COL25A1: variants seen among roughly 807,000 people sequenced by gnomAD.
COL25A1 encodes the protein collagen alpha-1(XXV) chain.
Under a neutral mutation model 128.4 loss-of-function variants are expected in COL25A1, and 103 were observed. That is an observed-to-expected ratio of 0.80 (90% CI 0.68 to 0.94). The LOEUF is 0.94. Among genes scored for constraint, COL25A1 ranks in the 40% least tolerant of loss-of-function variants. The pLI is 0.00. For missense variants in COL25A1, 745 were observed against 840.0 expected (o/e 0.89, Z 1.40); for synonymous variants, 279 against 277.2 (o/e 1.01, Z -0.06).
chr4:109,012,794 C>T (rs28750377), intron 5 of COL25A1, among the ~76,000 whole-genome samples: 3 of 152,084 alleles, frequency 2.0e-5, no homozygotes, highest in African/African-American at 4.8e-5. Flanking sequence ...GCCTCCCTGA[C>T]GGGTGCCGCC....
At chr4:109,190,096 T>C (rs951729239) in intron 3 of COL25A1, among the ~76,000 whole-genome samples, 4 of 152,054 alleles carry the variant, frequency 2.6e-5, no homozygotes, top group Non-Finnish European at 4.4e-5. Context: ...ATATGTCCTC[T>C]AAAAATGCAG....
At chr4:109,218,373 T>TTTTTTTTTTTTTTTTTTTG in intron 3 of COL25A1, among the ~76,000 whole-genome samples, 1 of 140,778 alleles carries the variant, frequency 7.1e-6, no homozygotes, top group South Asian at 2.3e-4. Context: ...TTTTTTTTTT[T>TTTTTTTTTTTTTTTTTTTG]TTTTTTTTTG....
At chr4:109,165,662 A>C (rs1304141280) in intron 3 of COL25A1, among the ~76,000 whole-genome samples, 1 of 152,198 alleles carries the variant, frequency 6.6e-6, no homozygotes, top group Non-Finnish European at 1.5e-5. Flanking sequence ...GGCTGCAGTG[A>C]GCTATGATCA....
At chr4:109,284,697 G>A (rs1408451932) in intron 3 of COL25A1, among the ~76,000 whole-genome samples, 3 of 152,022 alleles carry the variant, frequency 2.0e-5, no homozygotes, top group Non-Finnish European at 2.9e-5. Context: ...TCACATGAAG[G>A]CAAAGGAAGC....
At chr4:109,049,311 C>T (rs1200640076) in intron 4 of COL25A1, among the ~76,000 whole-genome samples, 8 of 152,032 alleles carry the variant, frequency 5.3e-5, no homozygotes, top group Non-Finnish European at 1.2e-4. Flanking sequence ...GAATTAATGG[C>T]CTGATAAGAC....
At chr4:108,995,942 C>A (rs1579022904) in intron 6 of COL25A1, among the ~76,000 whole-genome samples, 1 of 152,094 alleles carries the variant, frequency 6.6e-6, no homozygotes, top group East Asian at 1.9e-4. Flanking sequence ...ACCACCAGGC[C>A]TGCCTTACAA....
intron 31 of COL25A1, among the ~76,000 whole-genome samples, chr4:108,837,533 T>C (rs1427798644): frequency 2.6e-5 from 4 of 152,180 alleles, no homozygotes; most frequent in African/African-American, 9.7e-5. Flanking sequence ...AAAATACTTC[T>C]TTTATACGAC....
At chr4:109,143,603 C>T (rs1385304246) in intron 3 of COL25A1, among the ~76,000 whole-genome samples, 3 of 152,166 alleles carry the variant, frequency 2.0e-5, no homozygotes, top group Non-Finnish European at 4.4e-5. Flanking sequence ...TTCTTCGTTC[C>T]TTTCCATTCT....
At chr4:109,149,297 T>C (rs1771243835) in intron 3 of COL25A1, among the ~76,000 whole-genome samples, 1 of 152,196 alleles carries the variant, frequency 6.6e-6, no homozygotes, top group South Asian at 2.1e-4. Flanking sequence ...TAAAGAAAAG[T>C]TGAAAAATAT....
intron 3 of COL25A1, among the ~76,000 whole-genome samples, chr4:109,270,102 C>A (rs1782089524): frequency 6.6e-6 from 1 of 152,062 alleles, no homozygotes; most frequent in African/African-American, 2.4e-5. Context: ...GACAAACCCA[C>A]AGCCAATATC....
At chr4:109,110,155 C>T (rs922486738) in intron 3 of COL25A1, among the ~76,000 whole-genome samples, 64 of 152,090 alleles carry the variant, frequency 4.2e-4, no homozygotes, top group African/African-American at 1.5e-3. Context: ...GCATCAAGAG[C>T]AAATATGGTT....
intron 16 of COL25A1, among the ~76,000 whole-genome samples, chr4:108,894,838 TGCA>T (rs1292406724): frequency 6.6e-6 from 1 of 152,242 alleles, no homozygotes; most frequent in Non-Finnish European, 1.5e-5. Context: ...CATATTTGAT[TGCA>T]GCATGATACT....
At chr4:108,832,572 G>GAAATAATCAAGC in intron 31 of COL25A1, 139 bp from the exon 32 acceptor site, 1 of 588,784 alleles carries the variant, frequency 1.7e-6, no homozygotes, top group Non-Finnish European at 3.0e-6. Context: ...CTTTATGCTT[G>GAAATAATCAAGC]ATTATTTCAG....
At chr4:109,169,964 G>T (rs552517109) in intron 3 of COL25A1, among the ~76,000 whole-genome samples, 1 of 151,954 alleles carries the variant, frequency 6.6e-6, no homozygotes, top group Non-Finnish European at 1.5e-5. Context: ...ATGTGAAAAT[G>T]TATAATATAT....
chr4:108,943,386 G>A (rs973467050), intron 8 of COL25A1, among the ~76,000 whole-genome samples: 3 of 152,026 alleles, frequency 2.0e-5, no homozygotes, highest in African/African-American at 7.2e-5. Context: ...TTATTCCCCA[G>A]AATAAACACA....
intron 6 of COL25A1, among the ~76,000 whole-genome samples, chr4:109,009,608 A>G (rs1292103962): frequency 1.3e-5 from 2 of 152,236 alleles, no homozygotes; most frequent in African/African-American, 4.8e-5. Flanking sequence ...GAGATGGAAG[A>G]TGAGTTCAGT....
At chr4:109,300,435 T>G in intron 3 of COL25A1, 148 bp downstream of exon 3, 1 of 594,246 alleles carries the variant, frequency 1.7e-6, no homozygotes, top group Non-Finnish European at 3.0e-6. Flanking sequence ...TTTGCCATCC[T>G]TTTGAATGAG....
intron 19 of COL25A1, among the ~76,000 whole-genome samples, chr4:108,871,020 G>A (rs1473672340): frequency 2.6e-5 from 4 of 152,122 alleles, no homozygotes; most frequent in Non-Finnish European, 5.9e-5. Context: ...TCTTATACAG[G>A]TTAGTGTTTA....
At chr4:108,817,372 T>G (rs764183417) in intron 37 of COL25A1, 25 bp downstream of exon 37, 1 of 1,611,748 alleles carries the variant, frequency 6.2e-7, no homozygotes, top group Admixed American at 1.7e-5. Context: ...GTGCTTCTTT[T>G]GAGAAATTAT....
Sources: allele counts gnomAD v4.1 joint callset (sites outside exome capture counted in the v4.1 genomes callset), GRCh38; gene constraint gnomAD v4.1.1; transcripts MANE v1.5; gene names NCBI Gene and HGNC (gene_info 2026-07-23, HGNC 2026-07-21).